Variants in ZFR observed in about 807,000 individuals in gnomAD.
ZFR encodes zinc finger RNA binding protein.
A neutral mutation model predicts 130.7 loss-of-function variants in ZFR; 19 were observed. The observed-to-expected ratio is 0.15, with a 90% CI of 0.10 to 0.21. The LOEUF (loss-of-function observed/expected upper bound fraction) is 0.21, where lower values mean the gene tolerates loss of function less well. Ranked by LOEUF, ZFR falls within the 10% of genes least tolerant of loss-of-function variation. The pLI is 1.00. For missense variants in ZFR, 872 were observed against 1,321.5 expected (o/e 0.66, Z 5.27); for synonymous variants, 466 against 456.9 (o/e 1.02, Z -0.25).
chr5:32,413,192 C>CAA (rs11409467), intron 5 of ZFR, among the ~76,000 whole-genome samples: 138 of 149,506 alleles, frequency 9.2e-4, no homozygotes, highest in Middle Eastern at 6.8e-3. Context: ...CTTTTAATCT[C>CAA]AAAAAAAACA....
chr5:32,433,055 G>A (rs1243636585), intron 2 of ZFR, among the ~76,000 whole-genome samples: 1 of 152,024 alleles, frequency 6.6e-6, no homozygotes, highest in African/African-American at 2.4e-5. Context: ...TTAAACACTA[G>A]AATAAGACAG....
chr5:32,434,031 C>A (rs1046352004), intron 2 of ZFR, among the ~76,000 whole-genome samples: 39 of 152,234 alleles, frequency 2.6e-4, no homozygotes, highest in Admixed American at 3.3e-4. Flanking sequence ...GATTGTGCCA[C>A]TGCACTCCAG....
In ZFR at chr5:32,403,891, G is replaced by C; in HGVS notation, c.1224+15C>G. ...AGAATCAAGGCATAAGGGTGTGTGGGAAAAAAACACCTACTTTCTGATGCT... is the reference window on the plus strand; with the variant it reads ...AGAATCAAGGCATAAGGGTGTGTGGCAAAAAAACACCTACTTTCTGATGCT... On this transcript the variant is annotated intron_variant, in intron 7 of 19. Transcript: ENST00000265069. The C allele has an allele frequency of 6.4e-7, 1 of 1,557,006 alleles. No homozygotes were observed. The highest frequency in any genetic ancestry group is 8.7e-7 in the Non-Finnish European group (1 of 1,149,366).
intron 2 of ZFR, among the ~76,000 whole-genome samples, chr5:32,431,771 A>G (rs1342817038): frequency 1.3e-5 from 2 of 149,370 alleles, no homozygotes; most frequent in African/African-American, 4.9e-5. Flanking sequence ...TAACATTGAA[A>G]AAAAAAAAAA....
chr5:32,387,160 C>CTAAATA (rs1753061177), intron 14 of ZFR, among the ~76,000 whole-genome samples: 1 of 151,652 alleles, frequency 6.6e-6, no homozygotes, highest in Non-Finnish European at 1.5e-5. Context: ...AAGCATTAAA[C>CTAAATA]TAAATAGGCA....
chr5:32,377,170 A>T (rs1752837910), intron 17 of ZFR, among the ~76,000 whole-genome samples: 1 of 150,894 alleles, frequency 6.6e-6, no homozygotes, highest in Admixed American at 6.6e-5. Flanking sequence ...AAAAAAAAAA[A>T]AAAAAAAAAA....
At chr5:32,404,795 T>C (rs529194383) in intron 6 of ZFR, among the ~76,000 whole-genome samples, 1 of 152,330 alleles carries the variant, frequency 6.6e-6, no homozygotes, top group Middle Eastern at 3.4e-3. Context: ...CTGGACAGTT[T>C]TGTGAGTAGG....
intron 15 of ZFR, among the ~76,000 whole-genome samples, chr5:32,381,274 A>T (rs1473256103): frequency 6.6e-6 from 1 of 152,216 alleles, no homozygotes; most frequent in Non-Finnish European, 1.5e-5. Context: ...TCATTCATAA[A>T]AGTAGACAAA....
chr5:32,376,332 C>A, intron 17 of ZFR, among the ~76,000 whole-genome samples: 1 of 151,524 alleles, frequency 6.6e-6, no homozygotes, highest in Non-Finnish European at 1.5e-5. Context: ...AAATAAAATT[C>A]GATGAAAAAA....
At chr5:32,357,934 T>G (rs1752347434) in intron 19 of ZFR, among the ~76,000 whole-genome samples, 1 of 152,250 alleles carries the variant, frequency 6.6e-6, no homozygotes. Flanking sequence ...GGTTCTTCCA[T>G]TCCAAAGGTT....
At chr5:32,390,064 T>C (rs1322321330) in intron 12 of ZFR, among the ~76,000 whole-genome samples, 1 of 152,200 alleles carries the variant, frequency 6.6e-6, no homozygotes, top group Non-Finnish European at 1.5e-5. Flanking sequence ...GGCAGGAGAA[T>C]TGCTTGAACC....
chr5:32,413,683 T>C (rs986486362), intron 5 of ZFR, among the ~76,000 whole-genome samples: 3 of 152,146 alleles, frequency 2.0e-5, no homozygotes, highest in Non-Finnish European at 4.4e-5. Flanking sequence ...TTAAAAAAAA[T>C]GTGACTAATC....
chr5:32,357,176 T>C (rs550563043), intron 19 of ZFR, among the ~76,000 whole-genome samples: 2 of 152,044 alleles, frequency 1.3e-5, no homozygotes, highest in African/African-American at 4.8e-5. Flanking sequence ...AGAGACGGGG[T>C]ATTTTCGCCA....
At chr5:32,428,696 G>T (rs2111845479) in intron 2 of ZFR, among the ~76,000 whole-genome samples, 1 of 152,340 alleles carries the variant, frequency 6.6e-6, no homozygotes, top group South Asian at 2.1e-4. Context: ...CACACTTTGA[G>T]TAGTATAAAA....
chr5:32,443,576 ATCTC>A (rs1409430998), intron 2 of ZFR, among the ~76,000 whole-genome samples: 11 of 152,252 alleles, frequency 7.2e-5, no homozygotes, highest in Non-Finnish European at 1.0e-4. Flanking sequence ...TGGTATGTGA[ATCTC>A]TCTCCTTGCA....
chr5:32,366,914 C>T (rs142411217), intron 17 of ZFR, among the ~76,000 whole-genome samples: 1 of 148,276 alleles, frequency 6.7e-6, no homozygotes. Flanking sequence ...CAGGCCCTCG[C>T]TATGTTGCCA....
chr5:32,444,729 A>T lies in ZFR; in HGVS notation c.-71T>A, dbSNP rs771245714. ...TCCCTCCTCTGCCCCGCTCCTCCTC[A>T]GCGGAGAACAGACCGCCGCCTCCGA... On this transcript the variant is annotated 5_prime_UTR_variant, in exon 1 of 20. Coordinates refer to ENST00000265069, the MANE Select transcript of ZFR (RefSeq NM_016107.5). 5.1e-5 allele frequency: 76 copies of T among 1,485,400 alleles called. No individual in the cohort carries two copies. The highest frequency in any genetic ancestry group is 6.5e-5 in the Non-Finnish European group (73 of 1,118,150). The allele number at this position is 1,485,400 out of a possible 1,614,324, so 92.0% of individuals were successfully genotyped here. A position where few individuals can be genotyped will look rare whatever the true frequency, so the allele number is the denominator to read the frequency against.
chr5:32,389,587 C>T (rs1753116926), intron 12 of ZFR, among the ~76,000 whole-genome samples: 1 of 152,072 alleles, frequency 6.6e-6, no homozygotes, highest in Non-Finnish European at 1.5e-5. Context: ...GAAGCTGAGG[C>T]TTCGGTGAGC....
At position 32,419,737 on chromosome 5, in the gene ZFR, G is replaced by A. The variant is rs921119032; in HGVS notation, c.420+84C>T. 12 of 1,485,162 alleles carry A rather than the reference G, an allele frequency of 8.1e-6. No individual in the cohort carries two copies. In the African/African-American group the frequency reaches 1.3e-4, roughly 16 times the overall value. The allele number at this position is 1,485,162 out of a possible 1,614,324, so 92.0% of individuals were successfully genotyped here. On this transcript the variant is annotated intron_variant, in intron 3 of 19. Transcript: ENST00000265069. ...TGTATTTTGGAAGCCCCAAGTTTGA[G>A]AAGCAATGGCTAGGGCATTACATTA...
Sources: allele counts gnomAD v4.1 joint callset (sites outside exome capture counted in the v4.1 genomes callset), GRCh38; gene constraint gnomAD v4.1.1; transcripts MANE v1.5; gene names NCBI Gene and HGNC (gene_info 2026-07-23, HGNC 2026-07-21).